PDZRN3: variants seen among roughly 807,000 people sequenced by gnomAD.
The protein encoded by PDZRN3 is E3 ubiquitin-protein ligase PDZRN3.
A neutral mutation model predicts 85.7 loss-of-function variants in PDZRN3; 38 were observed. The ratio of observed to expected loss-of-function variants is 0.44; its 90% CI spans 0.34 to 0.58. The LOEUF (loss-of-function observed/expected upper bound fraction) is 0.58, where lower values mean the gene tolerates loss of function less well. Ranked by LOEUF, PDZRN3 falls within the 20% of genes least tolerant of loss-of-function variation. The pLI is 0.01. For synonymous variants in PDZRN3, 759 were observed against 638.0 expected (o/e 1.19, Z -2.86); for missense variants, 1,629 against 1,506.4 (o/e 1.08, Z -1.35).
rs542912283 is a variant in PDZRN3 at position 73,392,993 on chromosome 3, CCTGT to C, written c.1255-1881_1255-1878del. 7.9e-5 allele frequency among the ~76,000 whole-genome samples: 12 copies of C among 152,184 alleles called. No homozygotes were observed. In the South Asian group the frequency reaches 2.3e-3, roughly 29 times the overall value. On this transcript the variant is annotated intron_variant, in intron 5 of 9. Coordinates refer to ENST00000263666, the MANE Select transcript of PDZRN3 (RefSeq NM_015009.3). Reference sequence around the variant, plus strand: ...TCCTCTTATGTTTCAAACACATCCCCCTGTCTCTCTTAGGGTACACTTCATTTGA... The same window carrying C: ...TCCTCTTATGTTTCAAACACATCCCCCTCTCTTAGGGTACACTTCATTTGA...
intron 3 of PDZRN3, among the ~76,000 whole-genome samples, chr3:73,525,685 T>A (rs1341545828): frequency 6.6e-6 from 1 of 152,196 alleles, no homozygotes; most frequent in African/African-American, 2.4e-5. Flanking sequence ...GGTATCCAGA[T>A]TTTTCCCATG....
intron 3 of PDZRN3, among the ~76,000 whole-genome samples, chr3:73,550,082 T>C (rs911808086): frequency 2.0e-5 from 3 of 152,196 alleles, no homozygotes; most frequent in Admixed American, 6.5e-5. Context: ...GCAGTTGTTT[T>C]ACTTAAAAGC....
chr3:73,582,011 G>T (rs939275800), intron 3 of PDZRN3, among the ~76,000 whole-genome samples: 2 of 151,898 alleles, frequency 1.3e-5, no homozygotes, highest in Non-Finnish European at 2.9e-5. Context: ...GATGTGAGAG[G>T]ATCACTTGAG....
intron 3 of PDZRN3, among the ~76,000 whole-genome samples, chr3:73,457,525 G>C (rs916744864): frequency 2.6e-5 from 4 of 152,082 alleles, no homozygotes; most frequent in Non-Finnish European, 5.9e-5. Flanking sequence ...CATACTCCTA[G>C]GGTGCGTGCT....
chr3:73,604,654 T>A (rs1303185453), intron 2 of PDZRN3, among the ~76,000 whole-genome samples: 2 of 152,202 alleles, frequency 1.3e-5, no homozygotes, highest in African/African-American at 4.8e-5. Flanking sequence ...AAGCTTGAGT[T>A]CCCTAAGAGG....
At chr3:73,508,788 T>G (rs915617208) in intron 3 of PDZRN3, among the ~76,000 whole-genome samples, 1 of 152,126 alleles carries the variant, frequency 6.6e-6, no homozygotes, top group South Asian at 2.1e-4. Flanking sequence ...CACACAAAAT[T>G]GATACATTGG....
intron 3 of PDZRN3, among the ~76,000 whole-genome samples, chr3:73,592,138 C>T (rs916376142): frequency 6.6e-6 from 1 of 152,108 alleles, no homozygotes; most frequent in African/African-American, 2.4e-5. Context: ...CAACATCTAA[C>T]CAGTTTTTGG....
chr3:73,613,901 GA>G (rs1193300966), intron 1 of PDZRN3, among the ~76,000 whole-genome samples: 1 of 152,066 alleles, frequency 6.6e-6, no homozygotes, highest in Non-Finnish European at 1.5e-5. Context: ...ATCTCCCTGG[GA>G]GAAGCTTAGG....
In PDZRN3 at chr3:73,517,052, T is replaced by C. The variant is rs1704269291; in HGVS notation, c.918+85302A>G. On this transcript the variant is annotated intron_variant, in intron 3 of 9. Transcript: ENST00000263666. ...GAAAGGGAGAATACAAAGTGCTTAT[T>C]TCACTTCCCATCTGGGGCATGTTGA... is the stretch of plus-strand genomic sequence containing the variant. Among the ~76,000 whole-genome samples, 4 of 152,204 alleles carry C rather than the reference T, an allele frequency of 2.6e-5. No individual in the cohort carries two copies. In the South Asian group the frequency reaches 8.3e-4, roughly 31 times the overall value.
chr3:73,451,849 T>TCACACA (rs58276955), intron 3 of PDZRN3, among the ~76,000 whole-genome samples: 10 of 149,402 alleles, frequency 6.7e-5, no homozygotes, highest in African/African-American at 1.5e-4. Flanking sequence ...TAGCTTCTCA[T>TCACACA]CACACACACA....
At chr3:73,430,684 C>A (rs1012882476) in intron 3 of PDZRN3, among the ~76,000 whole-genome samples, 1 of 152,184 alleles carries the variant, frequency 6.6e-6, no homozygotes, top group African/African-American at 2.4e-5. Context: ...CTTACACCCC[C>A]AACTCCCACT....
chr3:73,596,617 C>T (rs1268042437), intron 3 of PDZRN3, among the ~76,000 whole-genome samples: 2 of 152,160 alleles, frequency 1.3e-5, no homozygotes, highest in Non-Finnish European at 2.9e-5. Context: ...TTGCCCAAAA[C>T]GTATGACCTG....
intron 3 of PDZRN3, among the ~76,000 whole-genome samples, chr3:73,463,085 C>T (rs1026094869): frequency 2.0e-5 from 3 of 152,216 alleles, no homozygotes; most frequent in African/African-American, 7.2e-5. Context: ...CAAGTAAGGA[C>T]GGCATACATG....
chr3:73,624,562 G>A lies in PDZRN3; in HGVS notation c.264C>T (p.Gly88=), dbSNP rs748557514. 6 of 1,530,340 alleles carry A rather than the reference G, an allele frequency of 3.9e-6. No individual in the cohort carries two copies. The highest frequency in any genetic ancestry group is 5.2e-6 in the Non-Finnish European group (6 of 1,144,038). 94.8% of individuals were successfully genotyped at this position (1,530,340 alleles called of 1,614,324 possible). A position where few individuals can be genotyped will look rare whatever the true frequency, so the allele number is the denominator to read the frequency against. Residue 88 remains glycine, a synonymous_variant, in exon 1 of 10, where the codon GGC becomes GGT. Coordinates refer to ENST00000263666, the MANE Select transcript of PDZRN3 (RefSeq NM_015009.3). The part of the protein sequence containing the change: ...LDIKCAYATR[G]CGRVVKLQQL... ...GCTGCAGCTTGACCACCCGGCCGCA[G>A]CCGCGCGTCGCGTACGCGCACTTGA...
intron 3 of PDZRN3, among the ~76,000 whole-genome samples, chr3:73,428,615 C>A (rs920960783): frequency 2.6e-5 from 4 of 152,048 alleles, no homozygotes; most frequent in Admixed American, 2.6e-4. Flanking sequence ...AAGCCCTAGT[C>A]CTAAGGGAAA....
chr3:73,457,034 A>T (rs1702993089), intron 3 of PDZRN3, among the ~76,000 whole-genome samples: 1 of 152,174 alleles, frequency 6.6e-6, no homozygotes, highest in Non-Finnish European at 1.5e-5. Context: ...TAAAAAAGTA[A>T]TATGAATGGA....
chr3:73,405,653 G>A (rs1701839456), intron 3 of PDZRN3, among the ~76,000 whole-genome samples: 1 of 152,160 alleles, frequency 6.6e-6, no homozygotes, highest in Admixed American at 6.5e-5. Flanking sequence ...AGCAATTCCT[G>A]AGTTTAAATC....
rs567650671 is a variant in PDZRN3, at chr3:73,427,689, G to A, written c.919-23294C>T. ...CCAGGGATATGGACTCATTTGTCAC[G>A]GTAAAACCCTTCCCAAACCAAAGTG... On this transcript the variant is annotated intron_variant, in intron 3 of 9. Transcript: ENST00000263666. 3.3e-5 allele frequency among the ~76,000 whole-genome samples: 5 copies of A among 152,226 alleles called. No individual in the cohort carries two copies. In the South Asian group the frequency reaches 1.0e-3, roughly 32 times the overall value.
intron 3 of PDZRN3, among the ~76,000 whole-genome samples, chr3:73,575,841 T>C (rs563984772): frequency 6.6e-6 from 1 of 152,326 alleles, no homozygotes; most frequent in Admixed American, 6.5e-5. Flanking sequence ...TGATTCTTTA[T>C]GGTGATCTAA....
Sources: gnomAD v4.1 joint callset for allele counts (sites outside exome capture counted in the v4.1 genomes callset) on GRCh38, gnomAD v4.1.1 for gene constraint, MANE v1.5 for transcripts, NCBI Gene and HGNC (gene_info 2026-07-23, HGNC 2026-07-21) for gene names.